DAB1: variants seen among roughly 807,000 people sequenced by gnomAD.
DAB1 encodes the protein disabled homolog 1.
In DAB1, 15 loss-of-function variants were observed where a neutral mutation model predicts 64.6. That is an observed-to-expected ratio of 0.23 (90% CI 0.16 to 0.36). The LOEUF is 0.36. Ranked by LOEUF, DAB1 falls within the 10% of genes least tolerant of loss-of-function variation. The pLI, the probability that DAB1 is intolerant of heterozygous loss-of-function variation, is 1.00. For synonymous variants in DAB1, 235 were observed against 251.9 expected (o/e 0.93, Z 0.64); for missense variants, 596 against 706.7 (o/e 0.84, Z 1.78).
At chr1:57,903,314 A>C (rs1214358909) in intron 5 of DAB1, among the ~76,000 whole-genome samples, 1 of 152,052 alleles carries the variant, frequency 6.6e-6, no homozygotes, top group African/African-American at 2.4e-5. Flanking sequence ...TCATTCCTCT[A>C]AGTTAGTTGG....
intron 6 of DAB1, among the ~76,000 whole-genome samples, chr1:57,808,467 A>G (rs1005416329): frequency 6.6e-6 from 1 of 152,182 alleles, no homozygotes; most frequent in Non-Finnish European, 1.5e-5. Flanking sequence ...AGTTGGCCAC[A>G]TTACTTAGCT....
intron 7 of DAB1, among the ~76,000 whole-genome samples, chr1:57,458,095 G>A (rs1163026343): frequency 2.6e-5 from 4 of 152,038 alleles, no homozygotes; most frequent in Non-Finnish European, 5.9e-5. Flanking sequence ...GTTTGTGTGT[G>A]TGCTCCCCTT....
At chr1:57,487,636 T>C (rs375993388) in intron 7 of DAB1, among the ~76,000 whole-genome samples, 22 of 152,356 alleles carry the variant, frequency 1.4e-4, no homozygotes, top group African/African-American at 5.3e-4. Flanking sequence ...GCCTACAGTA[T>C]TCAGTACAGT....
chr1:58,538,486 A>AATATAAG (rs1243519164), intron 1 of DAB1, among the ~76,000 whole-genome samples: 4 of 149,384 alleles, frequency 2.7e-5, no homozygotes, highest in Non-Finnish European at 4.5e-5. Context: ...TGTAGTCATA[A>AATATAAG]ATATAAGATT....
intron 1 of DAB1, among the ~76,000 whole-genome samples, chr1:57,875,798 T>C (rs1644034932): frequency 6.6e-6 from 1 of 152,234 alleles, no homozygotes; most frequent in African/African-American, 2.4e-5. Context: ...AATGTTCTCA[T>C]GTGCATTACT....
chr1:57,676,452 T>G (rs72910563), intron 6 of DAB1, among the ~76,000 whole-genome samples: 2,083 of 152,306 alleles, frequency 0.014, 44 homozygotes, highest in African/African-American at 0.048. Context: ...GGATAGCTCT[T>G]ATATACCAAG....
chr1:57,761,590 C>T (rs896672626), intron 6 of DAB1, among the ~76,000 whole-genome samples: 7 of 152,340 alleles, frequency 4.6e-5, no homozygotes, highest in Admixed American at 4.6e-4. Flanking sequence ...CATTGTCTTT[C>T]TCTTCTGAAG....
rs575705734 is a variant in DAB1, at chr1:58,011,205, T to C, written n.388-127043A>G. Among the ~76,000 whole-genome samples, 17 of 152,264 alleles carry C rather than the reference T, an allele frequency of 1.1e-4. No individual in the cohort carries two copies. The South Asian group carries it at 3.5e-3, about 32-fold the overall frequency. Reference sequence around the variant, plus strand: ...GCTAGGAAAAGGAATGTAATGTAAATGTAAAAGGAATGAGGAAAATAGTCT... The same window carrying C: ...GCTAGGAAAAGGAATGTAATGTAAACGTAAAAGGAATGAGGAAAATAGTCT... On this transcript the variant is annotated intron_variant and non_coding_transcript_variant, in intron 5 of 20. Transcript: ENST00000485760.
intron 5 of DAB1, among the ~76,000 whole-genome samples, chr1:57,973,491 T>C (rs1347100063): frequency 6.6e-6 from 1 of 152,220 alleles, no homozygotes; most frequent in Non-Finnish European, 1.5e-5. Flanking sequence ...ACACATACTC[T>C]ATACATGTAC....
At chr1:57,546,756 C>T (rs1205296247) in intron 7 of DAB1, among the ~76,000 whole-genome samples, 1 of 152,102 alleles carries the variant, frequency 6.6e-6, no homozygotes, top group Non-Finnish European at 1.5e-5. Context: ...TAGGTTTGTA[C>T]AACTACAGTC....
intron 7 of DAB1, among the ~76,000 whole-genome samples, chr1:57,478,586 CTTTTTT>C (rs35538831): frequency 7.4e-5 from 6 of 81,216 alleles, no homozygotes; most frequent in African/African-American, 2.6e-4. Flanking sequence ...TATTCCCATT[CTTTTTT>C]TTTTTTTTTT....
At chr1:57,368,020 C>A (rs1680200869) in intron 1 of DAB1, among the ~76,000 whole-genome samples, 1 of 152,192 alleles carries the variant, frequency 6.6e-6, no homozygotes, top group African/African-American at 2.4e-5. Context: ...GCTCCCATGG[C>A]CTGGCTTCTT....
chr1:57,345,003 A>G (rs952307572), intron 1 of DAB1, among the ~76,000 whole-genome samples: 16 of 152,218 alleles, frequency 1.1e-4, no homozygotes, highest in Non-Finnish European at 2.1e-4. Flanking sequence ...GCACTGTCCC[A>G]GGGCAGAGAC....
chr1:57,352,264 G>T (rs1473734795), intron 1 of DAB1, among the ~76,000 whole-genome samples: 1 of 152,050 alleles, frequency 6.6e-6, no homozygotes, highest in African/African-American at 2.4e-5. Flanking sequence ...ATCTGGAAAT[G>T]GGTACAAGAA....
chr1:57,819,858 A>C (rs1261985631), intron 6 of DAB1, among the ~76,000 whole-genome samples: 2 of 152,190 alleles, frequency 1.3e-5, no homozygotes, highest in African/African-American at 4.8e-5. Context: ...AGGAGAAAAA[A>C]ACTCAAATTG....
rs191860725 is a variant in DAB1 at position 57,766,668 on chromosome 1, A to T, written n.552-117003T>A. Among the ~76,000 whole-genome samples the T allele has an allele frequency of 1.5e-3, 233 of 151,244 alleles. 2 individuals are homozygous for T. Among genetic ancestry groups the T allele is most frequent in the African/African-American group, 5.5e-3 (228 of 41,362 alleles). On this transcript the variant is annotated intron_variant and non_coding_transcript_variant, in intron 6 of 20. Transcript: ENST00000485760. ...CAACCATTTCTTTGTTTCTCTAGTCATCTAGCGGGTGTCCTACAATTTAGT... is the reference window on the plus strand; with the variant it reads ...CAACCATTTCTTTGTTTCTCTAGTCTTCTAGCGGGTGTCCTACAATTTAGT...
chr1:57,079,036 G>A (rs1441823099), intron 4 of DAB1, among the ~76,000 whole-genome samples: 1 of 151,990 alleles, frequency 6.6e-6, no homozygotes, highest in East Asian at 1.9e-4. Flanking sequence ...TTTTTGCTTT[G>A]AAGATATATT....
chr1:57,898,919 C>A (rs969076169), intron 5 of DAB1, among the ~76,000 whole-genome samples: 1 of 152,120 alleles, frequency 6.6e-6, no homozygotes, highest in Non-Finnish European at 1.5e-5. Context: ...CAAATTCAAT[C>A]TTTTCCTCCA....
rs554294109 is a variant in DAB1 at position 58,514,714 on chromosome 1, G to C, written n.108-8505C>G. ...GCTCCTACAGCTAGAAAAATACACT[G>C]AGGCTGTTATAAGATGTAAAGGGAC... On this transcript the variant is annotated intron_variant and non_coding_transcript_variant, in intron 2 of 20. Transcript: ENST00000485760. Among the ~76,000 whole-genome samples, 4 of 152,254 alleles carry C rather than the reference G, an allele frequency of 2.6e-5. No individual in the cohort carries two copies. The South Asian group carries it at 8.3e-4, about 32-fold the overall frequency.
Sources: allele counts gnomAD v4.1 joint callset (sites outside exome capture counted in the v4.1 genomes callset), GRCh38; gene constraint gnomAD v4.1.1; transcripts MANE v1.5; gene names NCBI Gene and HGNC (gene_info 2026-07-23, HGNC 2026-07-21).